The following IFIT1 variants were observed in gnomAD, a reference collection of about 807,000 sequenced individuals.
IFIT1 encodes the protein antiviral innate immune response effector IFIT1.
Under a neutral mutation model 2.5 loss-of-function variants are expected in IFIT1, and 1 was observed. The ratio of observed to expected loss-of-function variants is 0.40; its 90% CI spans 0.14 to 1.92. IFIT1 has a LOEUF of 1.92. Ranked by LOEUF, IFIT1 falls within the 40% of genes most tolerant of loss-of-function variation. The probability of loss-of-function intolerance (pLI) is 0.31; values close to 1 mark genes in which losing one functional copy is unlikely to be tolerated. For synonymous variants in IFIT1, 191 were observed against 201.7 expected (o/e 0.95, Z 0.45); for missense variants, 508 against 557.8 (o/e 0.91, Z 0.90).
At position 89,402,577 on chromosome 10, in the gene IFIT1, T is replaced by C. The variant is rs1844446763; in HGVS notation, c.302T>C (p.Phe101Ser). Residue 101 changes from phenylalanine (F) to serine (S), a missense_variant, in exon 2 of 2, where the codon TTT (phenylalanine) becomes TCT (serine). By Grantham distance (155) the Phe-to-Ser change is radical. Coordinates refer to ENST00000371804, the MANE Select transcript of IFIT1 (RefSeq NM_001548.5). ...NVRSLVTWGN[F>S]AWMYYHMGRL... ...AGGAGTCTGGTGACCTGGGGCAACTTTGCCTGGATGTATTACCACATGGGC... is the reference window on the plus strand; with the variant it reads ...AGGAGTCTGGTGACCTGGGGCAACTCTGCCTGGATGTATTACCACATGGGC... The C allele has an allele frequency of 6.2e-7, 1 of 1,613,998 alleles. No homozygotes were observed. Among genetic ancestry groups the C allele is most frequent in the South Asian group, 1.1e-5 (1 of 91,084 alleles).
rs570229226 is a variant in IFIT1, at chr10:89,392,926, T to C, written c.5+209T>C. Reference sequence around the variant, plus strand: ...TAATGCATTTTTATGTTTGTTAGCATGAACTTGAGGAAGCTTACCTCATGC... The same window carrying C: ...TAATGCATTTTTATGTTTGTTAGCACGAACTTGAGGAAGCTTACCTCATGC... On this transcript the variant is annotated intron_variant, in intron 1 of 1. Transcript: ENST00000371804. Among the ~76,000 whole-genome samples, 15 of 152,298 alleles carry C rather than the reference T, an allele frequency of 9.8e-5. No individual in the cohort carries two copies. In the South Asian group the frequency reaches 3.1e-3, roughly 32 times the overall value.
At chr10:89,396,331 GT>G (rs1308787027) in intron 1 of IFIT1, among the ~76,000 whole-genome samples, 3 of 152,134 alleles carry the variant, frequency 2.0e-5, no homozygotes, top group Admixed American at 6.5e-5. Flanking sequence ...AAGAAAAAAG[GT>G]TTATTTAGCT....
chr10:89,403,198 G>A lies in IFIT1; in HGVS notation c.923G>A (p.Gly308Glu). 1 of 1,614,076 alleles carries A rather than the reference G, an allele frequency of 6.2e-7. No individual in the cohort carries two copies. The highest frequency in any genetic ancestry group is 8.5e-7 in the Non-Finnish European group (1 of 1,179,976). ...QMIQIKEATK[G>E]QPRGQNREKL... is the part of the protein sequence containing the mutation. ...ATCCAAATCAAGGAGGCTACAAAAG[G>A]GCAGCCTAGAGGGCAGAACAGAGAA... Residue 308 changes from glycine to glutamate, a missense_variant, in exon 2 of 2, where the codon GGG becomes GAG. Coordinates refer to ENST00000371804, the MANE Select transcript of IFIT1 (RefSeq NM_001548.5).
rs914535888 is a variant in IFIT1 at position 89,401,778 on chromosome 10, T to TA, written c.6-493dup. Reference sequence around the variant, plus strand: ...CCGTGAATCTGTAATTATTTCCAAGTAAAAAAAAAATGAAAAAAAAAAAAC... The same window carrying TA: ...CCGTGAATCTGTAATTATTTCCAAGTAAAAAAAAAAATGAAAAAAAAAAAAC... On this transcript the variant is annotated intron_variant, in intron 1 of 1. Transcript: ENST00000371804. Among the ~76,000 whole-genome samples, 510 of 91,410 alleles carry TA rather than the reference T, an allele frequency of 5.6e-3. 5 individuals are homozygous for TA. The highest frequency in any genetic ancestry group is 0.024 in the African/African-American group (469 of 19,256). 60.0% of individuals were successfully genotyped at this position (91,410 alleles called of 152,430 possible).
chr10:89,394,083 C>T (rs545368560), intron 1 of IFIT1, among the ~76,000 whole-genome samples: 3 of 152,142 alleles, frequency 2.0e-5, no homozygotes, highest in Non-Finnish European at 4.4e-5. Flanking sequence ...AGAAATGCAG[C>T]TGTTAGGCAA....
chr10:89,400,309 A>G (rs777568458), intron 1 of IFIT1, among the ~76,000 whole-genome samples: 2 of 152,198 alleles, frequency 1.3e-5, no homozygotes, highest in African/African-American at 2.4e-5. Context: ...CTATTTCTGC[A>G]AAAAATGTCA....
In IFIT1 at chr10:89,405,584, G is replaced by A. The variant is rs138995053; in HGVS notation, c.*1872G>A. On this transcript the variant is annotated 3_prime_UTR_variant, in exon 2 of 2. Transcript: ENST00000371804. Reference sequence around the variant, plus strand: ...GAGCCAAAGTCAAGGTATTGATGACGCTACACTCCTCCGGAGGCTCTAGGC... The same window carrying A: ...GAGCCAAAGTCAAGGTATTGATGACACTACACTCCTCCGGAGGCTCTAGGC... 4 of 152,070 alleles carry A rather than the reference G, an allele frequency of 2.6e-5. No homozygotes were observed. Among genetic ancestry groups the A allele is most frequent in the Admixed American group, 6.5e-5 (1 of 15,282 alleles). 9.4% of individuals were successfully genotyped at this position (152,070 alleles called of 1,614,324 possible). A position where few individuals can be genotyped will look rare whatever the true frequency, so the allele number is the denominator to read the frequency against.
Position 89,403,856 on chromosome 10 carries a change from T to C in IFIT1, c.*144T>C. The C allele has an allele frequency of 1.7e-6, 1 of 593,588 alleles. No individual in the cohort carries two copies. Among genetic ancestry groups the C allele is most frequent in the Non-Finnish European group, 2.9e-6 (1 of 345,324 alleles). 36.8% of individuals were successfully genotyped at this position (593,588 alleles called of 1,614,324 possible). ...AATAATAAATCTGACAAAATATTAG[T>C]TGTGTTCAACAATTAGTGAAACAGA... is the stretch of plus-strand genomic sequence containing the variant. On this transcript the variant is annotated 3_prime_UTR_variant, in exon 2 of 2. Transcript: ENST00000371804.
chr10:89,395,359 C>T (rs1377283367), intron 1 of IFIT1, among the ~76,000 whole-genome samples: 1 of 152,236 alleles, frequency 6.6e-6, no homozygotes, highest in Admixed American at 6.5e-5. Context: ...ACATTCCCCA[C>T]TCGCTGGTTG....
rs144483233 is a variant in IFIT1, at chr10:89,403,659, C to T, written c.1384C>T (p.Arg462Trp). Residue 462 changes from arginine (R) to tryptophan (W), a missense_variant, in exon 2 of 2, where the codon CGG (arginine) becomes TGG (tryptophan). Arg to Trp is a moderately radical substitution (Grantham distance 101). Coordinates refer to ENST00000371804, the MANE Select transcript of IFIT1 (RefSeq NM_001548.5). ...NMNEALEYYERALRLAADFEN... is the reference protein window; with the variant it reads ...NMNEALEYYEWALRLAADFEN... ...GAATGAAGCCCTGGAGTACTATGAG[C>T]GGGCCCTGAGACTGGCTGCTGACTT... The T allele has an allele frequency of 8.9e-5, 144 of 1,610,374 alleles. No individual in the cohort carries two copies. The highest frequency in any genetic ancestry group is 1.6e-4 in the Middle Eastern group (1 of 6,064).
In IFIT1 at chr10:89,402,286, A is replaced by G. The variant is rs774987794; in HGVS notation, c.11A>G (p.Asn4Ser). ...ATCTGTTTTTGTTTTTACAGTACAA[A>G]TGGTGATGATCATCAGGTCAAGGAT... is the stretch of plus-strand genomic sequence containing the variant. MST[N>S]GDDHQVKDSL... Residue 4 changes from asparagine (N) to serine (S), a missense_variant, in exon 2 of 2, where the codon AAT (asparagine) becomes AGT (serine). By Grantham distance (46) the Asn-to-Ser change is conservative (BLOSUM62 1). Coordinates refer to ENST00000371804, the MANE Select transcript of IFIT1 (RefSeq NM_001548.5). The G allele has an allele frequency of 2.5e-6, 4 of 1,604,296 alleles. No individual in the cohort carries two copies. The East Asian group carries it at 8.9e-5, about 36-fold the overall frequency.
Position 89,404,604 on chromosome 10 carries a change from CCCTT to C in IFIT1, c.*896_*899del, listed in dbSNP as rs1844499117. ...AACCATAAAACTTCTGTAATACCCTCCCTTCCTCCAAGAGCCTGCTTTTGGTTGC... is the reference window on the plus strand; with the variant it reads ...AACCATAAAACTTCTGTAATACCCTCCCTCCAAGAGCCTGCTTTTGGTTGC... On this transcript the variant is annotated 3_prime_UTR_variant, in exon 2 of 2. Coordinates refer to ENST00000371804, the MANE Select transcript of IFIT1 (RefSeq NM_001548.5). 1.3e-5 allele frequency: 2 copies of C among 152,254 alleles called. No individual in the cohort carries two copies. The highest frequency in any genetic ancestry group is 4.8e-5 in the African/African-American group (2 of 41,456). The allele number at this position is 152,254 out of a possible 1,614,324, so 9.4% of individuals were successfully genotyped here. A position where few individuals can be genotyped will look rare whatever the true frequency, so the allele number is the denominator to read the frequency against.
At chr10:89,397,170 C>T (rs1233847747) in intron 1 of IFIT1, among the ~76,000 whole-genome samples, 3 of 152,060 alleles carry the variant, frequency 2.0e-5, no homozygotes, top group African/African-American at 4.8e-5. Context: ...TTTATTTAAC[C>T]GTTCCCTATT....
chr10:89,403,432 G>A lies in IFIT1; in HGVS notation c.1157G>A (p.Arg386Gln), dbSNP rs79377094. ...CAAGACATACATTTCCACTATGGTC[G>A]GTTTCAGGAATTTCAAAAGAAATCT... Reference protein sequence around the residue: ...TMQDIHFHYGRFQEFQKKSDV... With the variant: ...TMQDIHFHYGQFQEFQKKSDV... Residue 386 changes from arginine (R) to glutamine (Q), a missense_variant, in exon 2 of 2, where the codon CGG becomes CAG. Coordinates refer to ENST00000371804, the MANE Select transcript of IFIT1 (RefSeq NM_001548.5). 120 of 1,613,778 alleles carry A rather than the reference G, an allele frequency of 7.4e-5. No homozygotes were observed. In the East Asian group the frequency reaches 2.5e-3, roughly 34 times the overall value.
At chr10:89,398,939 C>A (rs1301808836) in intron 1 of IFIT1, among the ~76,000 whole-genome samples, 1 of 152,158 alleles carries the variant, frequency 6.6e-6, no homozygotes, top group South Asian at 2.1e-4. Flanking sequence ...GTTAATTTTT[C>A]TGAGGAATTA....
In IFIT1 at chr10:89,394,274, T is replaced by C. The variant is rs928688763; in HGVS notation, c.5+1557T>C. Among the ~76,000 whole-genome samples, 8 of 152,316 alleles carry C rather than the reference T, an allele frequency of 5.3e-5. No individual in the cohort carries two copies. The South Asian group carries it at 6.2e-4, about 12-fold the overall frequency. On this transcript the variant is annotated intron_variant, in intron 1 of 1. Coordinates refer to ENST00000371804, the MANE Select transcript of IFIT1 (RefSeq NM_001548.5). The stretch of plus-strand genomic sequence containing the variant: ...GCAAAATTGTGGCATTAAAATCTTA[T>C]AGGACCACCACCAAATATGTGGTCC...
chr10:89,401,500 G>A (rs567993034), intron 1 of IFIT1, among the ~76,000 whole-genome samples: 1 of 152,290 alleles, frequency 6.6e-6, no homozygotes, highest in Non-Finnish European at 1.5e-5. Flanking sequence ...GAGTACAGGT[G>A]AGGAGGTGAC....
chr10:89,394,145 T>C (rs1844298842), intron 1 of IFIT1, among the ~76,000 whole-genome samples: 1 of 152,222 alleles, frequency 6.6e-6, no homozygotes, highest in African/African-American at 2.4e-5. Context: ...ACTACACACC[T>C]AGGCTATAAA....
At chr10:89,394,527 G>A (rs1458989075) in intron 1 of IFIT1, among the ~76,000 whole-genome samples, 1 of 144,842 alleles carries the variant, frequency 6.9e-6, no homozygotes, top group Admixed American at 6.9e-5. Context: ...AAACTCATTT[G>A]CTTTTATGTT....
Sources: gnomAD v4.1 joint callset for allele counts (sites outside exome capture counted in the v4.1 genomes callset) on GRCh38, gnomAD v4.1.1 for gene constraint, MANE v1.5 for transcripts, NCBI Gene and HGNC (gene_info 2026-07-23, HGNC 2026-07-21) for gene names.